Variants in LMX1A observed in about 807,000 individuals in gnomAD.
LMX1A encodes the protein LIM homeobox transcription factor 1-alpha.
Under a neutral mutation model 49.1 loss-of-function variants are expected in LMX1A, and 15 were observed. The ratio of observed to expected loss-of-function variants is 0.31; its 90% confidence interval spans 0.20 to 0.47. The LOEUF (loss-of-function observed/expected upper bound fraction) is 0.47, where lower values mean the gene tolerates loss of function less well. LMX1A is among the 20% of genes least tolerant of loss of function. The pLI, the probability that LMX1A is intolerant of heterozygous loss-of-function variation, is 1.00. For synonymous variants in LMX1A, 167 were observed against 185.7 expected (o/e 0.90, Z 0.82); for missense variants, 372 against 475.8 (o/e 0.78, Z 2.03).
At chr1:165,261,800 G>T (rs985309755) in intron 3 of LMX1A, among the ~76,000 whole-genome samples, 1 of 152,146 alleles carries the variant, frequency 6.6e-6, no homozygotes, top group Non-Finnish European at 1.5e-5. Flanking sequence ...ACAGTATGAT[G>T]GTACTTAGGA....
intron 3 of LMX1A, among the ~76,000 whole-genome samples, chr1:165,252,447 T>C (rs1207612471): frequency 6.6e-6 from 1 of 152,206 alleles, no homozygotes; most frequent in African/African-American, 2.4e-5. Flanking sequence ...GATACCATAA[T>C]TGCATTTGTC....
chr1:165,266,603 T>TC (rs1653627743), intron 3 of LMX1A, among the ~76,000 whole-genome samples: 1 of 133,078 alleles, frequency 7.5e-6, no homozygotes, highest in Admixed American at 7.4e-5. Flanking sequence ...TTCTTTTTTT[T>TC]TTTTTTTTTT....
chr1:165,296,418 A>G (rs1654624348), intron 3 of LMX1A, among the ~76,000 whole-genome samples: 1 of 152,262 alleles, frequency 6.6e-6, no homozygotes, highest in Non-Finnish European at 1.5e-5. Flanking sequence ...ACTACAGTGA[A>G]CCTTCTCAAG....
intron 3 of LMX1A, among the ~76,000 whole-genome samples, chr1:165,352,451 C>T (rs943531115): frequency 1.3e-5 from 2 of 152,204 alleles, no homozygotes; most frequent in African/African-American, 4.8e-5. Flanking sequence ...GAGGGTTCTG[C>T]AGAAAACCAG....
chr1:165,207,057 G>A (rs1224621608), intron 7 of LMX1A, among the ~76,000 whole-genome samples: 1 of 152,186 alleles, frequency 6.6e-6, no homozygotes, highest in East Asian at 1.9e-4. Context: ...AGATTTCAAA[G>A]TGTGGTCCAC....
intron 4 of LMX1A, among the ~76,000 whole-genome samples, chr1:165,232,983 A>G (rs1359248297): frequency 6.6e-6 from 1 of 152,198 alleles, no homozygotes; most frequent in African/African-American, 2.4e-5. Flanking sequence ...TGAACGGACC[A>G]GCAGAAGTCC....
At chr1:165,214,911 T>C (rs1651583977) in intron 4 of LMX1A, among the ~76,000 whole-genome samples, 1 of 152,152 alleles carries the variant, frequency 6.6e-6, no homozygotes, top group Non-Finnish European at 1.5e-5. Context: ...TATACGTCAC[T>C]TTTTTTTCCA....
chr1:165,270,847 C>T (rs140995340), intron 3 of LMX1A, among the ~76,000 whole-genome samples: 23 of 152,240 alleles, frequency 1.5e-4, no homozygotes, highest in Admixed American at 7.8e-4. Flanking sequence ...ACTGGGATCC[C>T]GTATCCCAAT....
intron 3 of LMX1A, among the ~76,000 whole-genome samples, chr1:165,327,007 C>T (rs1655605055): frequency 6.6e-6 from 1 of 152,040 alleles, no homozygotes; most frequent in South Asian, 2.1e-4. Context: ...ACAGAGAAAC[C>T]CTACTACATC....
chr1:165,311,822 T>A (rs1407868847), intron 3 of LMX1A, among the ~76,000 whole-genome samples: 4 of 152,178 alleles, frequency 2.6e-5, no homozygotes, highest in Admixed American at 2.0e-4. Flanking sequence ...TAAGGCCCAA[T>A]TCCCTCAGAG....
At chr1:165,249,316 A>C (rs1037021573) in intron 4 of LMX1A, 92 bp downstream of exon 4, 4 of 843,024 alleles carry the variant, frequency 4.7e-6, no homozygotes, top group Non-Finnish European at 8.0e-6. Context: ...GCTGCCCTGG[A>C]GGCTGGCCAT....
intron 3 of LMX1A, among the ~76,000 whole-genome samples, chr1:165,279,623 T>A (rs1221868797): frequency 6.6e-6 from 1 of 152,174 alleles, no homozygotes; most frequent in Non-Finnish European, 1.5e-5. Context: ...ATGCTGCCTG[T>A]CCAGGACAAC....
rs1388838096 is a variant in LMX1A at position 165,327,373 on chromosome 1, TG to T, written c.263+25702del. ...TTTCAAAGGACTACTGCAGTAGACA[TG>T]GACACCCAGAAAAAGCCCCAGGTCA... On this transcript the variant is annotated intron_variant, in intron 3 of 8. Coordinates refer to ENST00000342310, the MANE Select transcript of LMX1A (RefSeq NM_177398.4). Among the ~76,000 whole-genome samples, 7 of 152,290 alleles carry T rather than the reference TG, an allele frequency of 4.6e-5. No individual in the cohort carries two copies. The East Asian group carries it at 1.4e-3, about 29-fold the overall frequency.
At chr1:165,350,596 C>T (rs548222481) in intron 3 of LMX1A, among the ~76,000 whole-genome samples, 12 of 152,108 alleles carry the variant, frequency 7.9e-5, no homozygotes, top group Admixed American at 2.0e-4. Flanking sequence ...CCTACAGATA[C>T]CAACACGCAG....
chr1:165,310,982 C>G (rs1655061302), intron 3 of LMX1A, among the ~76,000 whole-genome samples: 1 of 152,170 alleles, frequency 6.6e-6, no homozygotes, highest in Non-Finnish European at 1.5e-5. Context: ...ATGATGTCCC[C>G]CAGATCTGGG....
At chr1:165,340,580 T>G (rs918450677) in intron 3 of LMX1A, among the ~76,000 whole-genome samples, 3 of 152,194 alleles carry the variant, frequency 2.0e-5, no homozygotes, top group Non-Finnish European at 1.5e-5. Flanking sequence ...GGCTCTCTTT[T>G]CATGTAGTAC....
chr1:165,261,657 C>T (rs1376242399), intron 3 of LMX1A, among the ~76,000 whole-genome samples: 1 of 152,070 alleles, frequency 6.6e-6, no homozygotes, highest in Non-Finnish European at 1.5e-5. Context: ...GACAGAGGAA[C>T]AGATAAACAA....
At chr1:165,266,015 A>G (rs184325783) in intron 3 of LMX1A, among the ~76,000 whole-genome samples, 16 of 152,354 alleles carry the variant, frequency 1.1e-4, no homozygotes, top group Non-Finnish European at 2.1e-4. Flanking sequence ...TATATACAAC[A>G]AATATTTATT....
chr1:165,230,592 T>C (rs1344963924), intron 4 of LMX1A, among the ~76,000 whole-genome samples: 1 of 152,218 alleles, frequency 6.6e-6, no homozygotes, highest in Non-Finnish European at 1.5e-5. Context: ...AATCTCTACA[T>C]GAATGTGGAT....
Sources: gnomAD v4.1 joint callset for allele counts (sites outside exome capture counted in the v4.1 genomes callset) on GRCh38, gnomAD v4.1.1 for gene constraint, MANE v1.5 for transcripts, NCBI Gene and HGNC (gene_info 2026-07-23, HGNC 2026-07-21) for gene names.